FAM135B: variants seen among roughly 807,000 people sequenced by gnomAD.
The protein encoded by FAM135B is family with sequence similarity 135 member B.
FAM135B carries 43 observed loss-of-function variants against 127.7 expected under a neutral mutation model. The observed-to-expected ratio is 0.34, with a 90% CI of 0.26 to 0.43. FAM135B has a LOEUF of 0.43. Among genes scored for constraint, FAM135B ranks in the 20% least tolerant of loss-of-function variants. The pLI, the probability that FAM135B is intolerant of heterozygous loss-of-function variation, is 1.00. For synonymous variants in FAM135B, 670 were observed against 665.1 expected, an observed-to-expected ratio of 1.01 and a Z score of -0.11; for missense variants, 1,558 against 1,725.6, an observed-to-expected ratio of 0.90 and a Z score of 1.72.
At chr8:138,347,663 C>T (rs1587179247) in intron 2 of FAM135B, among the ~76,000 whole-genome samples, 1 of 152,144 alleles carries the variant, frequency 6.6e-6, no homozygotes, top group South Asian at 2.1e-4. Context: ...AGTCACCTAC[C>T]ATCATCACTC....
chr8:138,243,675 T>C lies in FAM135B; in HGVS notation c.543-607A>G, dbSNP rs4909764. On this transcript the variant is annotated intron_variant, in intron 6 of 19. Coordinates refer to ENST00000395297, the MANE Select transcript of FAM135B (RefSeq NM_015912.4). The surrounding 1 kb of genome is among the most constrained non-coding windows in gnomAD (Gnocchi z 7.5). ...AATCCAAAGATTAATGGACATATTG[T>C]GATGGCAATGATCAATTTCAGGATC... is the stretch of plus-strand genomic sequence containing the variant. 0.057 allele frequency among the ~76,000 whole-genome samples: 8,698 copies of C among 152,276 alleles called. 297 individuals carry two copies. Among genetic ancestry groups the C allele is most frequent in the Admixed American group, 0.1 (1,571 of 15,290 alleles).
rs546634111 is a variant in FAM135B at position 138,255,990 on chromosome 8, G to C, written c.368+699C>G. On this transcript the variant is annotated intron_variant, in intron 5 of 19. Transcript: ENST00000395297. ...GAGTTTTCTACCCTAGGGAAGCCTG[G>C]ATCTGGAGGTGAGGTAGAGAAAGGA... Among the ~76,000 whole-genome samples, 12 of 152,298 alleles carry C rather than the reference G, an allele frequency of 7.9e-5. No homozygotes were observed. In the East Asian group the frequency reaches 2.3e-3, roughly 29 times the overall value.
intron 7 of FAM135B, among the ~76,000 whole-genome samples, chr8:138,240,145 AAAAAG>A (rs527380855): frequency 6.6e-6 from 1 of 152,204 alleles, no homozygotes; most frequent in Admixed American, 6.5e-5. Flanking sequence ...CTTAAAGTAT[AAAAAG>A]AAAAGAAAAG....
Position 138,295,573 on chromosome 8 carries a change from A to G in FAM135B, c.157+15268T>C, listed in dbSNP as rs573492644. 2.3e-3 allele frequency among the ~76,000 whole-genome samples: 357 copies of G among 152,264 alleles called. 3 individuals carry two copies. The highest frequency in any genetic ancestry group is 3.8e-3 in the Non-Finnish European group (257 of 68,026). ...ACAGAGGTGCCTGCCAGCCAGGACG[A>G]GGGGCACTTCCTGCAGGGAGTAGCC... On this transcript the variant is annotated intron_variant, in intron 3 of 19. Coordinates refer to ENST00000395297, the MANE Select transcript of FAM135B (RefSeq NM_015912.4).
chr8:138,224,522 C>T (rs576119814), intron 7 of FAM135B, among the ~76,000 whole-genome samples: 67 of 152,210 alleles, frequency 4.4e-4, no homozygotes, highest in African/African-American at 1.4e-3. Flanking sequence ...CTGCAACCTC[C>T]GCCTAACATT....
At chr8:138,144,077 A>G (rs536804907) in intron 15 of FAM135B, among the ~76,000 whole-genome samples, 105 of 152,316 alleles carry the variant, frequency 6.9e-4, no homozygotes, top group Non-Finnish European at 1.3e-3. Flanking sequence ...CAGTCTCCTT[A>G]TTTATTACAG....
chr8:138,358,171 A>G (rs1830206319), intron 2 of FAM135B, among the ~76,000 whole-genome samples: 1 of 152,112 alleles, frequency 6.6e-6, no homozygotes, highest in African/African-American at 2.4e-5. Flanking sequence ...ATCTGCCCCC[A>G]TGATTCAATT....
chr8:138,274,228 C>T (rs145987167), intron 3 of FAM135B, among the ~76,000 whole-genome samples: 4,257 of 152,174 alleles, frequency 0.028, 158 homozygotes, highest in African/African-American at 0.088. Flanking sequence ...TAAGCATCGG[C>T]CAGCTTGAGA....
At chr8:138,282,537 C>T (rs866329661) in intron 3 of FAM135B, among the ~76,000 whole-genome samples, 1 of 152,132 alleles carries the variant, frequency 6.6e-6, no homozygotes, top group Admixed American at 6.5e-5. Flanking sequence ...ACAGACACCT[C>T]GCCAAGAAGA....
rs1034597842 is a variant in FAM135B, at chr8:138,141,041, A to T, written c.3790+157T>A. 6.6e-6 allele frequency among the ~76,000 whole-genome samples: 1 copy of T among 152,092 alleles called. No individual in the cohort carries two copies. Among genetic ancestry groups the T allele is most frequent in the African/African-American group, 2.4e-5 (1 of 41,394 alleles). The stretch of plus-strand genomic sequence containing the variant: ...TCACCTCACTCAGCCCCCAGACACA[A>T]GGGCCACACCTCTAAGGCCAGGACT... On this transcript the variant is annotated intron_variant, in intron 17 of 19. Coordinates refer to ENST00000395297, the MANE Select transcript of FAM135B (RefSeq NM_015912.4). This position sits in a 1 kb window ranked among gnomAD's most constrained non-coding sequence, Gnocchi z 4.7.
At chr8:138,150,418 C>T (rs555137701) in intron 13 of FAM135B, among the ~76,000 whole-genome samples, 1 of 152,198 alleles carries the variant, frequency 6.6e-6, no homozygotes, top group East Asian at 1.9e-4. Flanking sequence ...GCCTGTAATC[C>T]CAGCACTTTG....
At chr8:138,280,586 C>T (rs1227446104) in intron 3 of FAM135B, among the ~76,000 whole-genome samples, 2 of 152,260 alleles carry the variant, frequency 1.3e-5, no homozygotes, top group East Asian at 3.9e-4. Flanking sequence ...TGTATGAGTT[C>T]CTTAGAGTTC....
At chr8:138,294,512 A>T (rs1223769787) in intron 3 of FAM135B, among the ~76,000 whole-genome samples, 1 of 152,220 alleles carries the variant, frequency 6.6e-6, no homozygotes, top group African/African-American at 2.4e-5. Flanking sequence ...TGTCCACATC[A>T]TCATTCATAA....
chr8:138,410,265 C>T (rs1035231267), intron 1 of FAM135B, among the ~76,000 whole-genome samples: 2 of 152,172 alleles, frequency 1.3e-5, no homozygotes, highest in Non-Finnish European at 2.9e-5. Context: ...TTCCCTGATT[C>T]CCAAATGCAA....
intron 11 of FAM135B, among the ~76,000 whole-genome samples, chr8:138,176,066 A>G (rs1814436507): frequency 6.6e-6 from 1 of 152,246 alleles, no homozygotes; most frequent in Non-Finnish European, 1.5e-5. Context: ...CAAGAAGGAC[A>G]GAAACATAAC....
At chr8:138,146,721 G>A (rs937093105) in intron 14 of FAM135B, among the ~76,000 whole-genome samples, 6 of 152,148 alleles carry the variant, frequency 3.9e-5, no homozygotes, top group African/African-American at 1.4e-4. Flanking sequence ...GATTTACTAC[G>A]ACAGAATAAG....
chr8:138,226,856 C>A (rs750971816), intron 7 of FAM135B, among the ~76,000 whole-genome samples: 1 of 152,108 alleles, frequency 6.6e-6, no homozygotes, highest in Non-Finnish European at 1.5e-5. Flanking sequence ...GCCACCACAC[C>A]GAGCTAATTT....
intron 1 of FAM135B, among the ~76,000 whole-genome samples, chr8:138,384,136 C>T (rs1832037018): frequency 6.6e-6 from 1 of 152,238 alleles, no homozygotes; most frequent in Non-Finnish European, 1.5e-5. Context: ...TCCCACACAG[C>T]TGGATGTCCG....
intron 1 of FAM135B, among the ~76,000 whole-genome samples, chr8:138,382,631 G>C (rs1447057790): frequency 6.6e-6 from 1 of 152,110 alleles, no homozygotes; most frequent in South Asian, 2.1e-4. Context: ...ACTCTGCACA[G>C]GATAACTGTG....
Sources: gnomAD v4.1 joint callset for allele counts (sites outside exome capture counted in the v4.1 genomes callset) on GRCh38, gnomAD v4.1.1 for gene constraint, Gnocchi (gnomAD v3.1) non-coding constraint, MANE v1.5 for transcripts, NCBI Gene and HGNC (gene_info 2026-07-23, HGNC 2026-07-21) for gene names.